Variants in PEAK1 observed in about 807,000 individuals in gnomAD.
The protein encoded by PEAK1 is pseudopodium enriched atypical kinase 1.
In PEAK1, 54 loss-of-function variants were observed where a neutral mutation model predicts 124.7. The ratio of observed to expected loss-of-function variants is 0.43; its 90% confidence interval spans 0.35 to 0.54. PEAK1 has a LOEUF of 0.54. PEAK1 is among the 20% of genes least tolerant of loss of function. PEAK1 has a pLI of 0.01. For synonymous variants in PEAK1, 719 were observed against 760.0 expected (o/e 0.95, Z 0.89); for missense variants, 2,046 against 2,134.5 (o/e 0.96, Z 0.82).
intron 2 of PEAK1, among the ~76,000 whole-genome samples, chr15:77,325,681 T>C (rs1433868638): frequency 6.6e-6 from 1 of 152,076 alleles, no homozygotes; most frequent in Non-Finnish European, 1.5e-5. Flanking sequence ...GTTTCTGAGG[T>C]CTTTGGATTT....
Position 77,203,803 on chromosome 15 carries a change from AT to A in PEAK1, c.-114-21764del, listed in dbSNP as rs149767058. On this transcript the variant is annotated intron_variant, in intron 6 of 9. Coordinates refer to ENST00000682557, the MANE Select transcript of PEAK1 (RefSeq NM_001385026.1). ...TGGCCTCAATGTAAAACATAAAACA[AT>A]AAAACTCCTAAATGATAACATAGGA... 7.3e-3 allele frequency among the ~76,000 whole-genome samples: 1,111 copies of A among 152,320 alleles called. 16 individuals are homozygous for A. The highest frequency in any genetic ancestry group is 0.025 in the African/African-American group (1,055 of 41,562).
chr15:77,150,640 C>G (rs1013791966), intron 8 of PEAK1, among the ~76,000 whole-genome samples: 3 of 150,960 alleles, frequency 2.0e-5, no homozygotes, highest in African/African-American at 7.3e-5. Context: ...TTAGGTATAT[C>G]TCCTAATGCT....
intron 2 of PEAK1, among the ~76,000 whole-genome samples, chr15:77,314,040 T>C (rs2064710119): frequency 6.6e-6 from 1 of 152,132 alleles, no homozygotes; most frequent in African/African-American, 2.4e-5. Flanking sequence ...GTGATGAGAA[T>C]GGTACTTTAT....
chr15:77,402,542 A>G (rs2071461023), intron 1 of PEAK1: 2 of 972,528 alleles, frequency 2.1e-6, no homozygotes, highest in African/African-American at 3.5e-5. Flanking sequence ...AAAAGAAAAA[A>G]TCAAGTTTAA....
intron 6 of PEAK1, among the ~76,000 whole-genome samples, chr15:77,211,154 G>A (rs994965739): frequency 4.6e-5 from 7 of 152,128 alleles, no homozygotes; most frequent in African/African-American, 1.7e-4. Flanking sequence ...GGCAAACTGA[G>A]TAGTTGCAAC....
At chr15:77,243,555 C>A (rs2060448379) in intron 6 of PEAK1, among the ~76,000 whole-genome samples, 1 of 152,144 alleles carries the variant, frequency 6.6e-6, no homozygotes, top group Non-Finnish European at 1.5e-5. Context: ...CAATTTCCAC[C>A]AACGCTCTTG....
intron 8 of PEAK1, chr15:77,156,025 A>C (rs1423923162): frequency 1.3e-5 from 2 of 152,414 alleles, no homozygotes; most frequent in Non-Finnish European, 2.9e-5. Context: ...CTCTCCTCAA[A>C]GCTGTCAGAC....
At chr15:77,404,329 G>T in intron 1 of PEAK1, 1 of 985,344 alleles carries the variant, frequency 1.0e-6, no homozygotes, top group Non-Finnish European at 1.2e-6. Flanking sequence ...CATGTTCTAG[G>T]ACTGTGCTAA....
chr15:77,371,659 G>A (rs745706360), intron 1 of PEAK1, among the ~76,000 whole-genome samples: 9 of 152,282 alleles, frequency 5.9e-5, no homozygotes, highest in African/African-American at 9.6e-5. Context: ...AGGCCAAGGC[G>A]GGAGGATCAC....
intron 7 of PEAK1, among the ~76,000 whole-genome samples, chr15:77,171,778 C>T (rs371222267): frequency 6.6e-6 from 1 of 152,224 alleles, no homozygotes; most frequent in African/African-American, 2.4e-5. Flanking sequence ...ATTGCAACAT[C>T]ACTACGTACA....
intron 2 of PEAK1, among the ~76,000 whole-genome samples, chr15:77,323,898 A>C (rs2065401642): frequency 6.6e-6 from 1 of 152,232 alleles, no homozygotes; most frequent in South Asian, 2.1e-4. Flanking sequence ...ACAAGGCTAC[A>C]GTTACCAAAA....
At chr15:77,391,458 C>T (rs1162391110) in intron 1 of PEAK1, among the ~76,000 whole-genome samples, 1 of 115,042 alleles carries the variant, frequency 8.7e-6, no homozygotes, top group African/African-American at 3.3e-5. Flanking sequence ...AGGGTACTGG[C>T]ACCAACCTAA....
At position 77,181,629 on chromosome 15, in the gene PEAK1, C is replaced by CA. The variant is rs1326998617; in HGVS notation, c.297dup (p.Val100CysfsTer18). 1 of 1,613,998 alleles carries CA rather than the reference C, an allele frequency of 6.2e-7. No homozygotes were observed. Among genetic ancestry groups the CA allele is most frequent in the Non-Finnish European group, 8.5e-7 (1 of 1,180,022 alleles). The stretch of plus-strand genomic sequence containing the variant: ...CTGTTTCGGTTCCACCCTATGATGA[C>CA]AGGTTTGTTCTCACAGTGTTCTTGG... On this transcript the variant is annotated frameshift_variant, in exon 7 of 10. Coordinates refer to ENST00000682557, the MANE Select transcript of PEAK1 (RefSeq NM_001385026.1). LOFTEE classifies it high-confidence loss of function.
At chr15:77,105,430 C>T (rs767526342), downstream of PEAK1, 1 of 152,000 alleles carries the variant, frequency 6.6e-6, no homozygotes, top group African/African-American at 2.4e-5. Context: ...GTCCAAAAAG[C>T]CTATTTCCTT....
rs1452588159 is a variant in PEAK1 at position 77,180,424 on chromosome 15, T to C, written c.1503A>G (p.Ser501=). 1.2e-6 allele frequency: 2 copies of C among 1,613,914 alleles called. No homozygotes were observed. The highest frequency in any genetic ancestry group is 3.3e-5 in the Admixed American group (2 of 59,996). Residue 501 remains serine, a synonymous_variant, in exon 7 of 10, where the codon TCA becomes TCG. Transcript: ENST00000682557. The part of the protein sequence containing the change: ...GPVNSPKTKS[S]SSTPNSPVTS... Reference sequence around the variant, plus strand: ...TAACTGGAGAGTTTGGAGTAGAGGATGAGCTTTTTGTCTTGGGGCTGTTAA... The same window carrying C: ...TAACTGGAGAGTTTGGAGTAGAGGACGAGCTTTTTGTCTTGGGGCTGTTAA...
intron 2 of PEAK1, among the ~76,000 whole-genome samples, chr15:77,310,123 A>C (rs781034484): frequency 3.4e-4 from 51 of 152,184 alleles, no homozygotes; most frequent in Non-Finnish European, 6.3e-4. Context: ...ACCAACTGAC[A>C]TTGAATAGAG....
At chr15:77,398,827 ATTGT>A (rs2071115930) in intron 1 of PEAK1, among the ~76,000 whole-genome samples, 2 of 152,290 alleles carry the variant, frequency 1.3e-5, no homozygotes, top group South Asian at 4.1e-4. Context: ...TCAAATTATC[ATTGT>A]TTGTAGATGA....
Position 77,278,321 on chromosome 15 carries a change from T to C in PEAK1, c.-275+5562A>G, listed in dbSNP as rs576077115. 953 of 219,396 alleles carry C rather than the reference T, an allele frequency of 4.3e-3. 43 individuals carry two copies. In the South Asian group the frequency reaches 0.066, roughly 15 times the overall value. The allele number at this position is 219,396 out of a possible 1,614,324, so 13.6% of individuals were successfully genotyped here. A position where few individuals can be genotyped will look rare whatever the true frequency, so the allele number is the denominator to read the frequency against. ...ACACAACATATGAATTTCAAAAAAT[T>C]AAGCTGAGAGAAAGAAGCTAGATTC... is the stretch of plus-strand genomic sequence containing the variant. On this transcript the variant is annotated intron_variant, in intron 5 of 9. Coordinates refer to ENST00000682557, the MANE Select transcript of PEAK1 (RefSeq NM_001385026.1).
At chr15:77,244,971 G>T (rs570151846) in intron 6 of PEAK1, among the ~76,000 whole-genome samples, 15 of 152,272 alleles carry the variant, frequency 9.9e-5, no homozygotes, top group Admixed American at 9.1e-4. Flanking sequence ...TATTCATAAT[G>T]TATACACATT....
Sources: gnomAD v4.1 joint callset for allele counts (sites outside exome capture counted in the v4.1 genomes callset) on GRCh38, gnomAD v4.1.1 for gene constraint, MANE v1.5 for transcripts, NCBI Gene and HGNC (gene_info 2026-07-23, HGNC 2026-07-21) for gene names.